TMCO5A: variants seen among roughly 807,000 people sequenced by gnomAD.
TMCO5A encodes transmembrane and coiled-coil domains 5A.
TMCO5A carries 34 observed loss-of-function variants against 42.3 expected under a neutral mutation model. The observed-to-expected ratio is 0.80, with a 90% CI of 0.61 to 1.07. The LOEUF (loss-of-function observed/expected upper bound fraction) is 1.07. TMCO5A is among the 50% of genes least tolerant of loss of function. The probability of loss-of-function intolerance (pLI) is 0.00; values close to 1 mark genes in which losing one functional copy is unlikely to be tolerated. For missense variants in TMCO5A, 357 were observed against 327.9 expected, an observed-to-expected ratio of 1.09 and a Z score of -0.69; for synonymous variants, 131 against 115.6, an observed-to-expected ratio of 1.13 and a Z score of -0.86.
At chr15:37,991,568 C>T in the TMCO5A span, among the ~76,000 whole-genome samples, 13 of 152,178 alleles carry the variant, frequency 8.5e-5, no homozygotes, top group Middle Eastern at 3.4e-3. Context: ...CTAGGACTTC[C>T]GCAACATGTA....
the TMCO5A span, among the ~76,000 whole-genome samples, chr15:38,007,682 C>T: frequency 2.0e-5 from 3 of 151,784 alleles, no homozygotes; most frequent in Non-Finnish European, 4.4e-5. Flanking sequence ...AATGAGTAAA[C>T]AATAAAATTG....
the TMCO5A span, among the ~76,000 whole-genome samples, chr15:37,995,321 A>G: frequency 0.023 from 3,455 of 152,206 alleles, 142 homozygotes; most frequent in African/African-American, 0.08. Context: ...GCTTCTCCAC[A>G]TTGTTCTTTT....
downstream of TMCO5A, among the ~76,000 whole-genome samples, chr15:37,953,093 T>C (rs916748673): frequency 2.6e-5 from 4 of 152,164 alleles, no homozygotes; most frequent in African/African-American, 7.2e-5. Context: ...CTCTAGACCC[T>C]GGCCCCTGAA....
chr15:38,023,113 T>C, the TMCO5A span, among the ~76,000 whole-genome samples: 755 of 152,040 alleles, frequency 5.0e-3, 9 homozygotes, highest in African/African-American at 0.017. Context: ...ATAAGAAAAA[T>C]TTGGGAAACA....
chr15:37,966,341 C>G (rs532633791), intron 11 of TMCO5A, among the ~76,000 whole-genome samples: 3 of 151,302 alleles, frequency 2.0e-5, no homozygotes, highest in African/African-American at 4.9e-5. Context: ...TGACTATCAT[C>G]GATAACAATT....
the TMCO5A span, among the ~76,000 whole-genome samples, chr15:37,995,242 T>C: frequency 6.6e-6 from 1 of 151,774 alleles, no homozygotes. Flanking sequence ...AAAAAAAAAA[T>C]CTTTCTCCTG....
At chr15:38,011,012 G>C in the TMCO5A span, among the ~76,000 whole-genome samples, 3 of 152,194 alleles carry the variant, frequency 2.0e-5, no homozygotes, top group African/African-American at 7.2e-5. Context: ...CTCCCAAAGT[G>C]CTGGGATCAC....
the TMCO5A span, among the ~76,000 whole-genome samples, chr15:38,026,985 G>T: frequency 6.6e-6 from 1 of 152,206 alleles, no homozygotes; most frequent in Middle Eastern, 3.2e-3. Context: ...TGCCCAGGCA[G>T]AAGTTTGCTG....
chr15:38,001,436 G>GT, the TMCO5A span, among the ~76,000 whole-genome samples: 2,024 of 128,280 alleles, frequency 0.016, 29 homozygotes, highest in African/African-American at 0.038. Flanking sequence ...ATTGGATCTT[G>GT]TTTTTTTTTT....
intron 4 of TMCO5A, 122 bp downstream of exon 4, chr15:37,937,092 G>A (rs1889544424): frequency 1.4e-6 from 2 of 1,448,804 alleles, no homozygotes; most frequent in South Asian, 2.8e-5. Flanking sequence ...CAAAAGTCAT[G>A]ATAAAATTTG....
exon 12 of TMCO5A, chr15:37,966,814 G>A: frequency 1.5e-6 from 1 of 650,378 alleles, no homozygotes; most frequent in Non-Finnish European, 2.8e-6. Context: ...CAGAGGGATG[G>A]AGTACTCTGA....
At chr15:38,021,872 C>T in the TMCO5A span, among the ~76,000 whole-genome samples, 1 of 150,762 alleles carries the variant, frequency 6.6e-6, no homozygotes, top group Non-Finnish European at 1.5e-5. Flanking sequence ...TGCAGCGGCC[C>T]GATCTCAGCT....
the TMCO5A span, chr15:38,020,427 A>T: frequency 3.3e-5 from 5 of 152,200 alleles, no homozygotes; most frequent in African/African-American, 4.8e-5. Context: ...AAAGAAGAGA[A>T]AGGTACAATG....
At chr15:37,966,363 T>C (rs1009769745) in intron 11 of TMCO5A, among the ~76,000 whole-genome samples, 3 of 152,098 alleles carry the variant, frequency 2.0e-5, no homozygotes, top group African/African-American at 4.8e-5. Flanking sequence ...AATTATACAT[T>C]TTTGAATAAC....
the TMCO5A span, among the ~76,000 whole-genome samples, chr15:37,990,325 C>A: frequency 6.6e-6 from 1 of 151,952 alleles, no homozygotes; most frequent in Non-Finnish European, 1.5e-5. Context: ...ATTATTATAT[C>A]TTTTTCCTGT....
At chr15:37,960,700 T>C (rs558408017) in intron 11 of TMCO5A, among the ~76,000 whole-genome samples, 234 of 151,884 alleles carry the variant, frequency 1.5e-3, no homozygotes, top group Non-Finnish European at 2.6e-3. Context: ...CTACTGGTTT[T>C]TGATTTTTTG....
chr15:37,989,814 G>A, the TMCO5A span, among the ~76,000 whole-genome samples: 14 of 152,008 alleles, frequency 9.2e-5, no homozygotes, highest in African/African-American at 2.9e-4. Flanking sequence ...AGCACAAAAG[G>A]TGGATGAACA....
chr15:37,989,723 T>G, the TMCO5A span, among the ~76,000 whole-genome samples: 1 of 152,088 alleles, frequency 6.6e-6, no homozygotes, highest in Non-Finnish European at 1.5e-5. Flanking sequence ...AGAACAGTTT[T>G]GGAAGGTGGG....
At chr15:38,018,772 T>A in the TMCO5A span, among the ~76,000 whole-genome samples, 1 of 31,228 alleles carries the variant, frequency 3.2e-5, no homozygotes, top group African/African-American at 9.8e-5. Flanking sequence ...AGTAATGTTA[T>A]TTTTTTTTTT....
Sources: allele counts gnomAD v4.1 joint callset (sites outside exome capture counted in the v4.1 genomes callset), GRCh38; gene constraint gnomAD v4.1.1; transcripts MANE v1.5; gene names NCBI Gene and HGNC (gene_info 2026-07-23, HGNC 2026-07-21).